The following KEL variants were observed in gnomAD, a reference collection of about 807,000 sequenced individuals.
The protein encoded by KEL is Kell metallo-endopeptidase (Kell blood group).
In KEL, 96 loss-of-function variants were observed where a neutral mutation model predicts 99.5. That is an observed-to-expected ratio of 0.97 (90% CI 0.82 to 1.14). The LOEUF is 1.14. Ranked by LOEUF, KEL falls within the 50% of genes most tolerant of loss-of-function variation. KEL has a pLI of 0.00. For missense variants in KEL, 926 were observed against 924.2 expected (o/e 1.00, Z -0.03); for synonymous variants, 355 against 354.8 (o/e 1.00, Z -0.01).
chr7:142,954,579 G>T (rs765264535), intron 6 of KEL, 52 bp from the exon 7 acceptor site: 5 of 1,525,450 alleles, frequency 3.3e-6, no homozygotes, highest in Non-Finnish European at 4.5e-6. Context: ...GATGGAGAGG[G>T]CAGGTGTGGG....
At chr7:142,953,409 G>T (rs772678699) in intron 9 of KEL, 709 of 983,030 alleles carry the variant, frequency 7.2e-4, no homozygotes, top group Non-Finnish European at 8.3e-4. Context: ...CATCTCATGT[G>T]CCTCCTCCTC....
chr7:142,945,094 T>A (rs1298209022), intron 11 of KEL, among the ~76,000 whole-genome samples: 2 of 152,206 alleles, frequency 1.3e-5, no homozygotes, highest in African/African-American at 2.4e-5. Flanking sequence ...CATTTTCTCC[T>A]CTGGCTCAGG....
chr7:142,959,857 G>C (rs1358367002), intron 4 of KEL, among the ~76,000 whole-genome samples: 1 of 151,932 alleles, frequency 6.6e-6, no homozygotes, highest in African/African-American at 2.4e-5. Context: ...TTTACCCAAA[G>C]AGAGGCCCCC....
In KEL at chr7:142,943,600, T is replaced by A. The variant is rs8176035; in HGVS notation, c.1593-4A>T. ...GTCCCAAGGGGACACCTTCCACCTG[T>A]GGGAAGAGGACATGTGAACTCCAGC... On this transcript the variant is annotated splice_polypyrimidine_tract_variant and splice_region_variant and intron_variant, in intron 14 of 18. Coordinates refer to ENST00000355265, the MANE Select transcript of KEL (RefSeq NM_000420.3). The A allele has an allele frequency of 5.3e-4, 846 of 1,607,582 alleles. 5 individuals carry two copies. The African/African-American group carries it at 9.8e-3, about 19-fold the overall frequency.
chr7:142,961,269 G>C, intron 3 of KEL, 91 bp downstream of exon 3: 2 of 1,582,004 alleles, frequency 1.3e-6, no homozygotes, highest in Non-Finnish European at 1.7e-6. Context: ...CAAGGGTCAG[G>C]GTGGGCAGAA....
intron 10 of KEL, chr7:142,946,647 G>C: frequency 2.6e-6 from 1 of 380,894 alleles, no homozygotes. Flanking sequence ...TACCTCGGCA[G>C]TCTGATGTTC....
chr7:142,962,251 A>G lies in KEL; in HGVS notation c.-45T>C, dbSNP rs762297558. 1 of 1,613,418 alleles carries G rather than the reference A, an allele frequency of 6.2e-7. No homozygotes were observed. The highest frequency in any genetic ancestry group is 2.2e-5 in the East Asian group (1 of 44,868). The stretch of plus-strand genomic sequence containing the variant: ...CCAGAATCCTTCCTGGTTCCACTCT[A>G]GGAGCTGATTCGGAGGACTGGGGTC... On this transcript the variant is annotated 5_prime_UTR_variant, in exon 1 of 19. Transcript: ENST00000355265.
chr7:142,942,638 C>T (rs1796391677), intron 17 of KEL, 109 bp from the exon 18 acceptor site: 8 of 907,922 alleles, frequency 8.8e-6, no homozygotes, highest in South Asian at 5.6e-5. Context: ...TGGTTCTGCA[C>T]TGACTAGTTG....
At chr7:142,959,813 CT>C (rs1456980754) in intron 4 of KEL, among the ~76,000 whole-genome samples, 1 of 152,052 alleles carries the variant, frequency 6.6e-6, no homozygotes, top group Non-Finnish European at 1.5e-5. Flanking sequence ...CATATTTTTT[CT>C]TTTTATCTCT....
rs760071961 is a variant in KEL at position 142,941,355 on chromosome 7, A to T, written c.2096T>A (p.Leu699His). 5.6e-6 allele frequency: 9 copies of T among 1,612,984 alleles called. 1 individual carries two copies. In the South Asian group the frequency reaches 9.9e-5, roughly 18 times the overall value. ...GCTGCTGAGGGGCCCGTGGACTCGG[A>T]GGTGTGGAGGGCTGTGAGTGTCGTG... is the stretch of plus-strand genomic sequence containing the variant. ...DSHDTHSPPHLRVHGPLSSTP... is the reference protein window; with the variant it reads ...DSHDTHSPPHHRVHGPLSSTP... The change falls in exon 19 of 19, where the codon CTC becomes CAC. Residue 699 changes from leucine to histidine, a missense_variant. Coordinates refer to ENST00000355265, the MANE Select transcript of KEL (RefSeq NM_000420.3).
intron 6 of KEL, among the ~76,000 whole-genome samples, chr7:142,956,723 C>A (rs554857151): frequency 6.6e-6 from 1 of 152,318 alleles, no homozygotes; most frequent in South Asian, 2.1e-4. Context: ...CTCTCATTCT[C>A]TCCTCTCTGA....
chr7:142,951,550 T>A (rs906582564), intron 10 of KEL, among the ~76,000 whole-genome samples: 2 of 152,200 alleles, frequency 1.3e-5, no homozygotes, highest in Non-Finnish European at 2.9e-5. Context: ...TTATCTTTCG[T>A]GCCTCTGTCT....
At chr7:142,944,278 G>A (rs369769422) in intron 13 of KEL, 45 bp downstream of exon 13, 146 of 1,448,834 alleles carry the variant, frequency 1.0e-4, no homozygotes, top group South Asian at 8.4e-4. Context: ...GAGAAGTGAC[G>A]AGAAGTCAAG....
At chr7:142,961,552 G>A in intron 2 of KEL, 51 bp from the exon 3 acceptor site, 1 of 1,550,618 alleles carries the variant, frequency 6.4e-7, no homozygotes, top group Non-Finnish European at 8.8e-7. Flanking sequence ...TTGAGAGACA[G>A]GGATGGGAAG....
intron 6 of KEL, 98 bp downstream of exon 6, chr7:142,957,729 G>T: frequency 6.9e-7 from 1 of 1,446,170 alleles, no homozygotes. Context: ...TCACACAGGT[G>T]TCCTCTCTTC....
intron 5 of KEL, 93 bp downstream of exon 5, chr7:142,958,211 A>G: frequency 5.9e-6 from 9 of 1,525,372 alleles, no homozygotes; most frequent in Admixed American, 1.7e-5. Flanking sequence ...TAGGAAGAAG[A>G]CCCACCCTCT....
chr7:142,946,182 T>C (rs1345969671), intron 11 of KEL, 25 bp downstream of exon 11: 7 of 1,526,436 alleles, frequency 4.6e-6, no homozygotes, highest in African/African-American at 1.4e-5. Flanking sequence ...TGGAGGGATG[T>C]GGGCTGGGAA....
At chr7:142,944,245 C>T in intron 13 of KEL, 78 bp downstream of exon 13, 2 of 1,202,352 alleles carry the variant, frequency 1.7e-6, no homozygotes. Context: ...AACTGATTGT[C>T]CAACAAAGAC....
Position 142,944,742 on chromosome 7 carries a change from C to T in KEL, c.1315-1G>A. 6.2e-7 allele frequency: 1 copy of T among 1,612,372 alleles called. No individual in the cohort carries two copies. Among genetic ancestry groups the T allele is most frequent in the South Asian group, 1.1e-5 (1 of 91,016 alleles). ...GGATCGCAGTGAATAATTTCATGGC[C>T]TGTGGGAGTGAGGTCCAGGGACAGG... is the stretch of plus-strand genomic sequence containing the variant. On this transcript the variant is annotated splice_acceptor_variant, in intron 11 of 18. Coordinates refer to ENST00000355265, the MANE Select transcript of KEL (RefSeq NM_000420.3). LOFTEE classifies it high-confidence loss of function.
Sources: allele counts gnomAD v4.1 joint callset (sites outside exome capture counted in the v4.1 genomes callset), GRCh38; gene constraint gnomAD v4.1.1; transcripts MANE v1.5; gene names NCBI Gene and HGNC (gene_info 2026-07-23, HGNC 2026-07-21).